TTLL11: variants seen among roughly 807,000 people sequenced by gnomAD.
The protein encoded by TTLL11 is tubulin tyrosine ligase like 11.
In TTLL11, 42 loss-of-function variants were observed where a neutral mutation model predicts 51.7. The ratio of observed to expected loss-of-function variants is 0.81; its 90% CI spans 0.64 to 1.05. TTLL11 has a LOEUF of 1.05. TTLL11 is among the 50% of genes least tolerant of loss of function. The pLI is 0.00. For synonymous variants in TTLL11, 381 were observed against 383.5 expected, an observed-to-expected ratio of 0.99 and a Z score of 0.08; for missense variants, 799 against 940.4, an observed-to-expected ratio of 0.85 and a Z score of 1.97.
At chr9:121,938,029 C>A (rs1841297141) in intron 6 of TTLL11, among the ~76,000 whole-genome samples, 1 of 152,118 alleles carries the variant, frequency 6.6e-6, no homozygotes, top group African/African-American at 2.4e-5. Context: ...GTGGCTCACA[C>A]CTGTAATCCC....
intron 3 of TTLL11, among the ~76,000 whole-genome samples, chr9:121,991,444 C>T (rs1249427291): frequency 6.6e-6 from 1 of 152,124 alleles, no homozygotes; most frequent in Admixed American, 6.5e-5. Context: ...GTGACCTTGA[C>T]GTTTATGTAG....
intron 6 of TTLL11, among the ~76,000 whole-genome samples, chr9:121,894,973 G>A (rs1234853045): frequency 6.9e-6 from 1 of 144,640 alleles, no homozygotes; most frequent in African/African-American, 2.6e-5. Flanking sequence ...AGAATTCATG[G>A]TTGAGAAGAA....
chr9:121,927,490 A>G (rs7039295), intron 6 of TTLL11, among the ~76,000 whole-genome samples: 11,742 of 152,272 alleles, frequency 0.077, 659 homozygotes, highest in African/African-American at 0.16. Flanking sequence ...ATCCTGCTAC[A>G]TGTCAAGCAC....
intron 6 of TTLL11, among the ~76,000 whole-genome samples, chr9:121,969,965 C>T (rs1452511816): frequency 6.6e-6 from 1 of 152,174 alleles, no homozygotes; most frequent in Non-Finnish European, 1.5e-5. Flanking sequence ...TACATATAAA[C>T]ACACTTTATG....
chr9:121,932,500 G>T (rs992751349), intron 6 of TTLL11, among the ~76,000 whole-genome samples: 3 of 152,114 alleles, frequency 2.0e-5, no homozygotes, highest in African/African-American at 7.2e-5. Flanking sequence ...TCATAAATGG[G>T]AAAACTAGAT....
At chr9:121,916,386 G>A (rs975781771) in intron 6 of TTLL11, among the ~76,000 whole-genome samples, 5 of 152,134 alleles carry the variant, frequency 3.3e-5, no homozygotes, top group African/African-American at 7.2e-5. Context: ...AGTGGTTGTC[G>A]CTGGGAAGTG....
intron 3 of TTLL11, among the ~76,000 whole-genome samples, chr9:121,997,248 G>A (rs985909334): frequency 2.1e-5 from 3 of 140,860 alleles, no homozygotes; most frequent in Admixed American, 7.2e-5. Context: ...AAGGGCCGTC[G>A]TACCGTGAGA....
chr9:121,956,206 C>G (rs1206576627), intron 6 of TTLL11, among the ~76,000 whole-genome samples: 1 of 152,132 alleles, frequency 6.6e-6, no homozygotes, highest in African/African-American at 2.4e-5. Context: ...ATTGAAAATG[C>G]ACCTAGGACT....
intron 1 of TTLL11, among the ~76,000 whole-genome samples, chr9:122,043,958 T>G (rs1184788151): frequency 6.6e-6 from 1 of 152,170 alleles, no homozygotes; most frequent in Non-Finnish European, 1.5e-5. Context: ...GCTGCACCCA[T>G]TAACTCGTCA....
chr9:121,902,950 T>C (rs1839823051), intron 6 of TTLL11, among the ~76,000 whole-genome samples: 1 of 152,176 alleles, frequency 6.6e-6, no homozygotes, highest in African/African-American at 2.4e-5. Flanking sequence ...TTCTACACTA[T>C]AGACTATATC....
intron 1 of TTLL11, among the ~76,000 whole-genome samples, chr9:122,074,930 T>C (rs1294605375): frequency 2.0e-5 from 3 of 151,866 alleles, no homozygotes; most frequent in African/African-American, 4.8e-5. Context: ...ATATCTAAAA[T>C]AGTCTGTGTT....
At chr9:121,888,475 T>C (rs998263353) in intron 6 of TTLL11, among the ~76,000 whole-genome samples, 1 of 152,228 alleles carries the variant, frequency 6.6e-6, no homozygotes, top group Non-Finnish European at 1.5e-5. Context: ...TTGGCTCTTC[T>C]TTGGGCCAGT....
At chr9:122,027,236 A>T (rs1588216828) in intron 3 of TTLL11, among the ~76,000 whole-genome samples, 1 of 152,196 alleles carries the variant, frequency 6.6e-6, no homozygotes, top group South Asian at 2.1e-4. Context: ...CAAGGGGGGA[A>T]ATCTGTCCCC....
intron 2 of TTLL11, among the ~76,000 whole-genome samples, chr9:122,038,285 T>C (rs551528479): frequency 1.3e-5 from 2 of 152,134 alleles, no homozygotes; most frequent in South Asian, 4.1e-4. Flanking sequence ...ATACCCAGCT[T>C]AATCCAGTGC....
chr9:122,010,418 G>T (rs1452467839), intron 3 of TTLL11, among the ~76,000 whole-genome samples: 1 of 152,208 alleles, frequency 6.6e-6, no homozygotes, highest in Non-Finnish European at 1.5e-5. Flanking sequence ...TTGGAGCGTG[G>T]TTCAAGTATA....
intron 1 of TTLL11, among the ~76,000 whole-genome samples, chr9:122,091,430 C>T (rs764312255): frequency 1.1e-4 from 16 of 152,226 alleles, no homozygotes; most frequent in Admixed American, 5.9e-4. Context: ...GAATCCCAAG[C>T]CCCAAGGCTG....
intron 8 of TTLL11, among the ~76,000 whole-genome samples, chr9:121,854,827 G>A (rs1455847098): frequency 6.6e-6 from 1 of 152,182 alleles, no homozygotes; most frequent in African/African-American, 2.4e-5. Flanking sequence ...CAATGAGAGG[G>A]CTACTCGAGG....
intron 1 of TTLL11, among the ~76,000 whole-genome samples, chr9:122,065,042 G>A (rs1174036498): frequency 4.6e-5 from 7 of 152,094 alleles, no homozygotes; most frequent in Non-Finnish European, 7.4e-5. Flanking sequence ...GACACTCAGT[G>A]TCTCCCAAAC....
intron 3 of TTLL11, among the ~76,000 whole-genome samples, chr9:122,019,942 C>T (rs1406193554): frequency 6.6e-6 from 1 of 152,192 alleles, no homozygotes; most frequent in East Asian, 1.9e-4. Context: ...GTCTCTCTTG[C>T]CTGTCACCAT....
Sources: gnomAD v4.1 joint callset for allele counts (sites outside exome capture counted in the v4.1 genomes callset) on GRCh38, gnomAD v4.1.1 for gene constraint, MANE v1.5 for transcripts, NCBI Gene and HGNC (gene_info 2026-07-23, HGNC 2026-07-21) for gene names.